The following EPG5 variants were observed in gnomAD, a reference collection of about 807,000 sequenced individuals.
EPG5 encodes ectopic P granules protein 5 homolog.
EPG5 carries 159 observed loss-of-function variants against 302.7 expected under a neutral mutation model. That is an observed-to-expected ratio of 0.53 (90% CI 0.46 to 0.60). The LOEUF is 0.60. Among genes scored for constraint, EPG5 ranks in the 20% least tolerant of loss-of-function variants. The probability of loss-of-function intolerance (pLI) is 0.00; values close to 1 mark genes in which losing one functional copy is unlikely to be tolerated. For synonymous variants in EPG5, 1,158 were observed against 1,136.8 expected (o/e 1.02, Z -0.37); for missense variants, 2,896 against 3,092.4 (o/e 0.94, Z 1.51).
At chr18:45,881,868 T>A (rs1340127182) in intron 31 of EPG5, among the ~76,000 whole-genome samples, 1 of 152,226 alleles carries the variant, frequency 6.6e-6, no homozygotes, top group African/African-American at 2.4e-5. Flanking sequence ...CCAAAATGTT[T>A]GGAACTACAG....
chr18:45,888,054 G>C (rs2049256393), intron 28 of EPG5, 147 bp from the exon 29 acceptor site: 1 of 580,114 alleles, frequency 1.7e-6, no homozygotes. Context: ...ATATTTCATG[G>C]AGTAAATATA....
the EPG5 span, among the ~76,000 whole-genome samples, chr18:45,832,388 C>T: frequency 8.0e-6 from 1 of 125,222 alleles, no homozygotes; most frequent in African/African-American, 3.1e-5. Context: ...GTGAAGGAGC[C>T]TAGGACGTGC....
chr18:45,887,832 A>G lies in EPG5; in HGVS notation c.5028T>C (p.Ile1676=), dbSNP rs1346661334. 2.5e-6 allele frequency: 4 copies of G among 1,605,394 alleles called. No individual in the cohort carries two copies. The highest frequency in any genetic ancestry group is 3.4e-6 in the Non-Finnish European group (4 of 1,173,474). ...GCGTCTCATCGCTGACGTAATCCAC[A>G]ATAGTAAAGAAAAGGCTAATGCCAA... ...QKVGISLFFT[I]VDYVSDETQR... Residue 1676 remains isoleucine, a synonymous_variant, in exon 29 of 44, where the codon ATT becomes ATC. Transcript: ENST00000282041.
chr18:45,802,753 C>A, the EPG5 span, among the ~76,000 whole-genome samples: 1 of 152,236 alleles, frequency 6.6e-6, no homozygotes, highest in Non-Finnish European at 1.5e-5. Flanking sequence ...CATTTCTAAT[C>A]ACATCCTAGG....
intron 24 of EPG5, among the ~76,000 whole-genome samples, chr18:45,904,691 C>A (rs1012653326): frequency 2.0e-5 from 3 of 151,962 alleles, no homozygotes; most frequent in Non-Finnish European, 2.9e-5. Flanking sequence ...TAAGACATAT[C>A]AACCAATCAC....
At chr18:45,913,230 A>G (rs1375148519) in intron 21 of EPG5, among the ~76,000 whole-genome samples, 1 of 152,190 alleles carries the variant, frequency 6.6e-6, no homozygotes, top group Non-Finnish European at 1.5e-5. Context: ...CCAAAAGCAA[A>G]TTCTTTAACA....
At chr18:45,953,202 T>C (rs2050950830) in intron 2 of EPG5, 26 of 804,518 alleles carry the variant, frequency 3.2e-5, no homozygotes, top group Non-Finnish European at 3.8e-5. Context: ...CAGTGAAAGC[T>C]GCAAGAAAAT....
Position 45,882,383 on chromosome 18 carries a change from T to C in EPG5, c.5409A>G (p.Pro1803=). 1 of 1,614,230 alleles carries C rather than the reference T, an allele frequency of 6.2e-7. No individual in the cohort carries two copies. The part of the protein sequence containing the change: ...HLALTAWGLE[P]DEDILMPFNL... The stretch of plus-strand genomic sequence containing the variant: ...TAAATGGCATCAAAATATCCTCATC[T>C]GGTTCAAGGCCCCAGGCAGTAAGTG... Residue 1803 remains proline (P), a synonymous_variant, in exon 31 of 44, where the codon CCA becomes CCG. Transcript: ENST00000282041.
At chr18:45,805,486 A>G in the EPG5 span, among the ~76,000 whole-genome samples, 2,979 of 152,008 alleles carry the variant, frequency 0.02, 105 homozygotes, top group African/African-American at 0.068. Flanking sequence ...GGCAAAAAAG[A>G]AAACAAATAA....
chr18:45,825,684 G>A, the EPG5 span: 30 of 1,605,784 alleles, frequency 1.9e-5, no homozygotes, highest in Non-Finnish European at 2.6e-5. Flanking sequence ...CACTGGGGAG[G>A]TGGCCGAGAG....
chr18:45,910,735 T>A lies in EPG5; in HGVS notation c.3991A>T (p.Ile1331Leu). Residue 1331 changes from isoleucine (I) to leucine (L), a missense_variant, in exon 23 of 44, where the codon ATA becomes TTA. Ile to Leu is a conservative substitution (Grantham distance 5, BLOSUM62 2). This residue lies in a region of EPG5 where 790 missense variants were observed against 798.0 expected (regional missense o/e 0.99). Coordinates refer to ENST00000282041, the MANE Select transcript of EPG5 (RefSeq NM_020964.3). ...HRPGPQYGLP[I>L]DGCIGRRFFQ... The stretch of plus-strand genomic sequence containing the variant: ...AACCTTCTTCCAATACAACCATCTA[T>A]GGGTAACCTTAAAAAACACAAGCAC... 1 of 1,613,320 alleles carries A rather than the reference T, an allele frequency of 6.2e-7. No individual in the cohort carries two copies. The highest frequency in any genetic ancestry group is 8.5e-7 in the Non-Finnish European group (1 of 1,179,464).
rs984661457 is a variant in EPG5, at chr18:45,856,956, T to C, written c.7442+897A>G. Among the ~76,000 whole-genome samples the C allele has an allele frequency of 6.6e-5, 10 of 152,162 alleles. No individual in the cohort carries two copies. In the East Asian group the frequency reaches 1.9e-3, roughly 29 times the overall value. On this transcript the variant is annotated intron_variant, in intron 42 of 43. Coordinates refer to ENST00000282041, the MANE Select transcript of EPG5 (RefSeq NM_020964.3). ...TTTTTTGAGACAGAGTCTTGCTCTG[T>C]TGGCCAGGCTGGAGTGCAATGGTGT...
intron 39 of EPG5, among the ~76,000 whole-genome samples, chr18:45,864,499 T>C (rs2048703135): frequency 6.6e-6 from 1 of 152,250 alleles, no homozygotes; most frequent in South Asian, 2.1e-4. Context: ...AATAACTTTT[T>C]TGCTTACTGT....
At chr18:45,861,794 G>T (rs1397193308) in intron 39 of EPG5, among the ~76,000 whole-genome samples, 1 of 151,948 alleles carries the variant, frequency 6.6e-6, no homozygotes, top group Non-Finnish European at 1.5e-5. Context: ...CGTTTCAAGG[G>T]TCTTGTCCAT....
At position 45,916,000 on chromosome 18, in the gene EPG5, G is replaced by T; in HGVS notation, c.3582+9C>A. On this transcript the variant is annotated intron_variant, in intron 19 of 43. Transcript: ENST00000282041. Reference sequence around the variant, plus strand: ...CACTGAAAGATAAATTCTCTAACAGGTTAATTACCTTATGTTGTTGGTAGA... The same window carrying T: ...CACTGAAAGATAAATTCTCTAACAGTTTAATTACCTTATGTTGTTGGTAGA... 1 of 1,601,540 alleles carries T rather than the reference G, an allele frequency of 6.2e-7. No homozygotes were observed. Among genetic ancestry groups the T allele is most frequent in the Non-Finnish European group, 8.5e-7 (1 of 1,175,074 alleles).
chr18:45,815,568 C>T, the EPG5 span, among the ~76,000 whole-genome samples: 3 of 152,002 alleles, frequency 2.0e-5, no homozygotes, highest in Admixed American at 1.3e-4. Flanking sequence ...AAAATACTTA[C>T]GAATCTACCT....
intron 1 of EPG5, among the ~76,000 whole-genome samples, chr18:45,960,666 A>G (rs2051129734): frequency 6.6e-6 from 1 of 152,212 alleles, no homozygotes; most frequent in Non-Finnish European, 1.5e-5. Context: ...GGGGAAAAAA[A>G]CCTAAAGAAA....
chr18:45,867,840 A>G, intron 36 of EPG5, 92 bp from the exon 37 acceptor site: 1 of 1,165,482 alleles, frequency 8.6e-7, no homozygotes. Context: ...TATGTTTTTA[A>G]AAAACACTTT....
Position 45,872,955 on chromosome 18 carries a change from G to A in EPG5, c.6050-2213C>T, listed in dbSNP as rs190978879. On this transcript the variant is annotated intron_variant, in intron 35 of 43. Coordinates refer to ENST00000282041, the MANE Select transcript of EPG5 (RefSeq NM_020964.3). ...AGACTGAGCTGATAGTTCCAGCCAAGACACAAATTCTGTGACGTCAGATAA... is the reference window on the plus strand; with the variant it reads ...AGACTGAGCTGATAGTTCCAGCCAAAACACAAATTCTGTGACGTCAGATAA... Among the ~76,000 whole-genome samples the A allele has an allele frequency of 3.3e-3, 496 of 152,320 alleles. 2 individuals are homozygous for A. The highest frequency in any genetic ancestry group is 0.011 in the African/African-American group (463 of 41,574).
Sources: allele counts gnomAD v4.1 joint callset (sites outside exome capture counted in the v4.1 genomes callset), GRCh38; gene constraint gnomAD v4.1.1; regional missense constraint gnomAD v4.1.1; transcripts MANE v1.5; gene names NCBI Gene and HGNC (gene_info 2026-07-23, HGNC 2026-07-21).